RSF1: variants seen among roughly 807,000 people sequenced by gnomAD.
RSF1 encodes HBV pX-associated protein 8.
A neutral mutation model predicts 145.2 loss-of-function variants in RSF1; 13 were observed. The ratio of observed to expected loss-of-function variants is 0.09; its 90% CI spans 0.06 to 0.14. RSF1 has a LOEUF of 0.14. Among genes scored for constraint, RSF1 ranks in the 10% least tolerant of loss-of-function variants. RSF1 has a pLI of 1.00. For missense variants in RSF1, 1,517 were observed against 1,718.2 expected (o/e 0.88, Z 2.07); for synonymous variants, 577 against 592.6 (o/e 0.97, Z 0.38).
chr11:77,849,338 C>T, the RSF1 span, among the ~76,000 whole-genome samples: 1 of 152,174 alleles, frequency 6.6e-6, no homozygotes, highest in African/African-American at 2.4e-5. Flanking sequence ...TCTCTTGCCT[C>T]AGCCTCCTGA....
At chr11:77,786,891 G>A (rs1158696834) in intron 1 of RSF1, among the ~76,000 whole-genome samples, 1 of 152,124 alleles carries the variant, frequency 6.6e-6, no homozygotes, top group African/African-American at 2.4e-5. Flanking sequence ...ATACATGAGA[G>A]ATGCAAAACA....
chr11:77,734,845 T>A, intron 4 of RSF1: 5 of 1,588,814 alleles, frequency 3.1e-6, no homozygotes, highest in South Asian at 1.1e-5. Flanking sequence ...CCTCTCCTCA[T>A]GAGATTGGTG....
Position 77,678,166 on chromosome 11 carries a change from C to CA in RSF1, c.3066-14dup, listed in dbSNP as rs1959760943. On this transcript the variant is annotated splice_polypyrimidine_tract_variant and intron_variant, in intron 11 of 15. Coordinates refer to ENST00000308488, the MANE Select transcript of RSF1 (RefSeq NM_016578.4). ...AAACTCATCAAATCTAAAATATACA[C>CA]AATGATCACATTATAGCCTGTCCTG... 5 of 1,523,498 alleles carry CA rather than the reference C, an allele frequency of 3.3e-6. No individual in the cohort carries two copies. Among genetic ancestry groups the CA allele is most frequent in the Non-Finnish European group, 4.5e-6 (5 of 1,103,986 alleles). The allele number at this position is 1,523,498 out of a possible 1,614,324, so 94.4% of individuals were successfully genotyped here. A position where few individuals can be genotyped will look rare whatever the true frequency, so the allele number is the denominator to read the frequency against.
At chr11:77,820,978 G>A (rs925394136), upstream of RSF1, 2 of 536,220 alleles carry the variant, frequency 3.7e-6, no homozygotes, top group Non-Finnish European at 6.5e-6. Flanking sequence ...CTCCCCTTCG[G>A]GCTTGCCACT....
chr11:77,863,259 G>A, the RSF1 span, among the ~76,000 whole-genome samples: 6 of 152,222 alleles, frequency 3.9e-5, no homozygotes, highest in Non-Finnish European at 7.4e-5. Flanking sequence ...TAGCCCAATC[G>A]GGAGCGGCAA....
chr11:77,779,245 T>C (rs1035081414), intron 1 of RSF1, among the ~76,000 whole-genome samples: 5 of 152,128 alleles, frequency 3.3e-5, no homozygotes, highest in African/African-American at 1.2e-4. Flanking sequence ...TCTCACTCTG[T>C]TACTCAGGCT....
chr11:77,772,453 T>C (rs1324202839), intron 1 of RSF1, among the ~76,000 whole-genome samples: 2 of 152,144 alleles, frequency 1.3e-5, no homozygotes, highest in Non-Finnish European at 2.9e-5. Context: ...GGATTACACA[T>C]GTAAGCTACC....
the RSF1 span, among the ~76,000 whole-genome samples, chr11:77,858,078 G>A: frequency 6.6e-6 from 1 of 151,966 alleles, no homozygotes. Context: ...GAGTACAGTG[G>A]TATGATCATA....
At chr11:77,746,160 G>A (rs922239802) in intron 3 of RSF1, among the ~76,000 whole-genome samples, 2 of 151,974 alleles carry the variant, frequency 1.3e-5, no homozygotes, top group African/African-American at 4.8e-5. Flanking sequence ...ACTTTGACTC[G>A]CAAGGAATCA....
chr11:77,861,735 C>T, the RSF1 span, among the ~76,000 whole-genome samples: 1 of 152,174 alleles, frequency 6.6e-6, no homozygotes, highest in Admixed American at 6.5e-5. Flanking sequence ...CTAGCCTTTC[C>T]GTGTTCCAGA....
intron 7 of RSF1, among the ~76,000 whole-genome samples, chr11:77,695,621 G>C (rs1960261189): frequency 6.6e-6 from 1 of 151,832 alleles, no homozygotes. Flanking sequence ...TGGCACAACA[G>C]GATGTTTCAG....
chr11:77,736,290 T>G (rs112929118), intron 4 of RSF1, among the ~76,000 whole-genome samples: 129 of 152,356 alleles, frequency 8.5e-4, no homozygotes, highest in Non-Finnish European at 1.4e-3. Context: ...ATCAATCCTT[T>G]AAATGTTTGA....
At chr11:77,756,588 G>A (rs891380073) in intron 2 of RSF1, among the ~76,000 whole-genome samples, 12 of 152,134 alleles carry the variant, frequency 7.9e-5, no homozygotes, top group Non-Finnish European at 1.0e-4. Flanking sequence ...TGTCATCATG[G>A]AGGTAGTAAA....
intron 1 of RSF1, among the ~76,000 whole-genome samples, chr11:77,767,512 C>T (rs1291829541): frequency 6.6e-6 from 1 of 152,178 alleles, no homozygotes; most frequent in Non-Finnish European, 1.5e-5. Context: ...CTCTGCAATT[C>T]TTCTCTCTTA....
chr11:77,824,889 G>C (rs1279519510), upstream of RSF1, among the ~76,000 whole-genome samples: 1 of 152,132 alleles, frequency 6.6e-6, no homozygotes, highest in Non-Finnish European at 1.5e-5. Context: ...ATCCCAATTA[G>C]CATTGGTACC....
chr11:77,811,965 G>A (rs1392576536), intron 1 of RSF1, among the ~76,000 whole-genome samples: 3 of 152,146 alleles, frequency 2.0e-5, no homozygotes. Context: ...CTTGAGCCCA[G>A]GAGTTTGAGA....
chr11:77,703,660 A>AAGAAACATTT (rs1960475941), intron 5 of RSF1: 1 of 152,238 alleles, frequency 6.6e-6, no homozygotes, highest in Non-Finnish European at 1.5e-5. Flanking sequence ...TAAAAAAGCC[A>AAGAAACATTT]AGAACCATTT....
intron 7 of RSF1, among the ~76,000 whole-genome samples, chr11:77,695,230 G>T (rs1960252850): frequency 6.6e-6 from 1 of 152,084 alleles, no homozygotes; most frequent in Non-Finnish European, 1.5e-5. Flanking sequence ...TGGGGGAGAT[G>T]CACTGAAGCT....
In RSF1 at chr11:77,802,052, G is replaced by A. The variant is rs991125324; in HGVS notation, c.187+18476C>T. On this transcript the variant is annotated intron_variant, in intron 1 of 15. Coordinates refer to ENST00000308488, the MANE Select transcript of RSF1 (RefSeq NM_016578.4). Reference sequence around the variant, plus strand: ...AAACTAGGATTTAGACAGCTTCTGAGTTGGTGAATGCATTCATGTGCTGGG... The same window carrying A: ...AAACTAGGATTTAGACAGCTTCTGAATTGGTGAATGCATTCATGTGCTGGG... Among the ~76,000 whole-genome samples the A allele has an allele frequency of 6.6e-5, 10 of 152,214 alleles. No homozygotes were observed. The East Asian group carries it at 1.7e-3, about 26-fold the overall frequency.
Sources: gnomAD v4.1 joint callset for allele counts (sites outside exome capture counted in the v4.1 genomes callset) on GRCh38, gnomAD v4.1.1 for gene constraint, MANE v1.5 for transcripts, NCBI Gene and HGNC (gene_info 2026-07-23, HGNC 2026-07-21) for gene names.